ANKRD24: variants seen among roughly 807,000 people sequenced by gnomAD.
ANKRD24 encodes the protein ankyrin repeat domain-containing protein 24.
Under a neutral mutation model 127.8 loss-of-function variants are expected in ANKRD24, and 109 were observed. The ratio of observed to expected loss-of-function variants is 0.85; its 90% CI spans 0.73 to 1.00. The LOEUF (loss-of-function observed/expected upper bound fraction) is 1.00, where lower values mean the gene tolerates loss of function less well. ANKRD24 is among the 50% of genes least tolerant of loss of function. The pLI is 0.00. For missense variants in ANKRD24, 1,648 were observed against 1,570.2 expected (o/e 1.05, Z -0.84); for synonymous variants, 743 against 671.1 (o/e 1.11, Z -1.66).
chr19:4,191,588 T>C (rs1405983617), intron 2 of ANKRD24, among the ~76,000 whole-genome samples: 1 of 151,894 alleles, frequency 6.6e-6, no homozygotes, highest in Non-Finnish European at 1.5e-5. Flanking sequence ...TTCAAGAGAT[T>C]ATCCTCTCTC....
chr19:4,215,314 C>T (rs1440937884), intron 15 of ANKRD24, among the ~76,000 whole-genome samples: 5 of 152,118 alleles, frequency 3.3e-5, no homozygotes, highest in South Asian at 4.1e-4. Flanking sequence ...GGTGAAACCA[C>T]GTGTCACTAA....
In ANKRD24 at chr19:4,210,335, G is replaced by T; in HGVS notation, c.1022G>T (p.Arg341Leu). Residue 341 changes from arginine (R) to leucine (L), a missense_variant, in exon 13 of 22, where the codon CGG becomes CTG. Transcript: ENST00000318934. ...QERGRLLQKI[R>L]GLEQHKERRQ... ...AGGGGCCGCCTCCTGCAGAAGATCC[G>T]GGGCCTGGAACAGCACAAGGAACGG... 6.3e-7 allele frequency: 1 copy of T among 1,575,786 alleles called. No individual in the cohort carries two copies. Among genetic ancestry groups the T allele is most frequent in the East Asian group, 2.3e-5 (1 of 42,880 alleles).
chr19:4,216,420 G>C lies in ANKRD24; in HGVS notation c.1389+18G>C, dbSNP rs1173502898. ...AGGTCCAGGTAGGGAAAGTGAGGCT[G>C]GGGACAGATCTGAGGACCTAGGGCT... On this transcript the variant is annotated intron_variant, in intron 17 of 21. Transcript: ENST00000318934. 1 of 1,559,784 alleles carries C rather than the reference G, an allele frequency of 6.4e-7. No individual in the cohort carries two copies. The highest frequency in any genetic ancestry group is 8.7e-7 in the Non-Finnish European group (1 of 1,151,764).
chr19:4,223,525 A>C (rs147461781), intron 20 of ANKRD24, among the ~76,000 whole-genome samples: 2 of 148,930 alleles, frequency 1.3e-5, no homozygotes, highest in African/African-American at 2.5e-5. Context: ...CTCCTGCCTC[A>C]GCTTCCTGAC....
chr19:4,217,473 C>T lies in ANKRD24; in HGVS notation c.2313C>T (p.Ala771=), dbSNP rs888595442. ...AGRLRERVRE[A]EGSGASGGGG... The stretch of plus-strand genomic sequence containing the variant: ...GGCTGCGAGAGCGTGTCCGCGAGGC[C>T]GAGGGCAGCGGGGCCAGCGGGGGCG... The change falls in exon 18 of 22, where the codon GCC becomes GCT. Residue 771 remains alanine (A), a synonymous_variant. Coordinates refer to ENST00000318934, the MANE Select transcript of ANKRD24 (RefSeq NM_001393985.1). The T allele has an allele frequency of 4.8e-6, 7 of 1,457,888 alleles. No homozygotes were observed. The highest frequency in any genetic ancestry group is 6.3e-6 in the Non-Finnish European group (7 of 1,110,772). The allele number at this position is 1,457,888 out of a possible 1,614,324, so 90.3% of individuals were successfully genotyped here. A position where few individuals can be genotyped will look rare whatever the true frequency, so the allele number is the denominator to read the frequency against.
At chr19:4,215,939 G>C (rs1284008795) in intron 15 of ANKRD24, 39 bp from the exon 16 acceptor site, 1 of 1,531,292 alleles carries the variant, frequency 6.5e-7, no homozygotes, top group Non-Finnish European at 8.9e-7. Context: ...CGGGGGCTGA[G>C]AGCAGAACCC....
Position 4,224,532 on chromosome 19 carries a change from G to C in ANKRD24, c.*27G>C, listed in dbSNP as rs1970636229. On this transcript the variant is annotated 3_prime_UTR_variant, in exon 22 of 22. Coordinates refer to ENST00000318934, the MANE Select transcript of ANKRD24 (RefSeq NM_001393985.1). Reference sequence around the variant, plus strand: ...AAAGGCCAGGCCCAGTGGCTACACTGACCACACCCACGCAGGGACCTCACC... The same window carrying C: ...AAAGGCCAGGCCCAGTGGCTACACTCACCACACCCACGCAGGGACCTCACC... The C allele has an allele frequency of 1.3e-6, 2 of 1,593,236 alleles. No individual in the cohort carries two copies. The highest frequency in any genetic ancestry group is 8.5e-7 in the Non-Finnish European group (1 of 1,169,652).
At chr19:4,212,374 G>A in intron 13 of ANKRD24, 101 bp from the exon 14 acceptor site, 1 of 1,365,566 alleles carries the variant, frequency 7.3e-7, no homozygotes, top group Non-Finnish European at 1.0e-6. Context: ...AGTTGCACGT[G>A]GAATGCGTGA....
At chr19:4,192,420 A>G (rs996839346) in intron 2 of ANKRD24, among the ~76,000 whole-genome samples, 1 of 148,018 alleles carries the variant, frequency 6.8e-6, no homozygotes, top group Non-Finnish European at 1.5e-5. Context: ...CACGTTGCCC[A>G]GGCTGGTCTT....
intron 2 of ANKRD24, among the ~76,000 whole-genome samples, chr19:4,187,276 G>A (rs989491525): frequency 2.6e-5 from 4 of 152,160 alleles, no homozygotes; most frequent in East Asian, 1.9e-4. Flanking sequence ...AGCTGGGCAC[G>A]GTGGCGGGCA....
At chr19:4,208,485 G>T (rs914616786) in intron 10 of ANKRD24, among the ~76,000 whole-genome samples, 1 of 152,008 alleles carries the variant, frequency 6.6e-6, no homozygotes, top group Non-Finnish European at 1.5e-5. Flanking sequence ...GTTTCGCCAC[G>T]TTGGCCAGGC....
At position 4,199,536 on chromosome 19, in the gene ANKRD24, A is replaced by G; in HGVS notation, c.37-147A>G. 2.1e-6 allele frequency: 3 copies of G among 1,418,662 alleles called. No individual in the cohort carries two copies. Among genetic ancestry groups the G allele is most frequent in the Non-Finnish European group, 1.8e-6 (2 of 1,090,866 alleles). The allele number at this position is 1,418,662 out of a possible 1,614,324, so 87.9% of individuals were successfully genotyped here. Reference sequence around the variant, plus strand: ...CCAGGGGACAACGTTTTGGAAATAGATGCCAGGGGGCTGCTCAGGGGATGA... The same window carrying G: ...CCAGGGGACAACGTTTTGGAAATAGGTGCCAGGGGGCTGCTCAGGGGATGA... On this transcript the variant is annotated intron_variant, in intron 2 of 21. Transcript: ENST00000318934. This position sits in a 1 kb window ranked among gnomAD's most constrained non-coding sequence, Gnocchi z 5.2.
intron 20 of ANKRD24, among the ~76,000 whole-genome samples, chr19:4,223,402 T>TATATATATATATATATATATATA (rs1491398712): frequency 4.9e-5 from 2 of 40,462 alleles, no homozygotes; most frequent in African/African-American, 2.4e-4. Context: ...TATATATATA[T>TATATATATATATATATATATATA]TTTTTTTTTT....
At chr19:4,206,339 TAAAA>T (rs912673511) in intron 7 of ANKRD24, among the ~76,000 whole-genome samples, 1 of 148,392 alleles carries the variant, frequency 6.7e-6, no homozygotes, top group African/African-American at 2.5e-5. Context: ...CATAAAAAAT[TAAAA>T]AAAAGAATTA....
At chr19:4,224,276 T>G in intron 21 of ANKRD24, 84 bp downstream of exon 21, 1 of 1,431,860 alleles carries the variant, frequency 7.0e-7, no homozygotes. Flanking sequence ...TTCTGTACAG[T>G]GGGAGGCTGG....
chr19:4,199,888 G>A lies in ANKRD24; in HGVS notation c.137G>A (p.Gly46Asp), dbSNP rs773841075. 8 of 1,571,274 alleles carry A rather than the reference G, an allele frequency of 5.1e-6. No homozygotes were observed. In the South Asian group the frequency reaches 9.4e-5, roughly 18 times the overall value. ...CGTGCCCTGCAGAGTCAAGACTGGG[G>A]CAAGAGTGACGAGAGGCTGCTACAA... ...ARGRRQSQDW[G>D]KSDERLLQAV... is the part of the protein sequence containing the mutation. Residue 46 changes from glycine to aspartate, a missense_variant, in exon 4 of 22, where the codon GGC becomes GAC. By Grantham distance (94) the Gly-to-Asp change is moderately conservative (BLOSUM62 -1). Transcript: ENST00000318934. The surrounding 1 kb of genome is among the most constrained non-coding windows in gnomAD (Gnocchi z 5.2).
In ANKRD24 at chr19:4,218,109, G is replaced by A. The variant is rs768567469; in HGVS notation, c.2949G>A (p.Gly983=). Residue 983 remains glycine (G), a synonymous_variant, in exon 18 of 22, where the codon GGG becomes GGA. Coordinates refer to ENST00000318934, the MANE Select transcript of ANKRD24 (RefSeq NM_001393985.1). ...AGGCCAACGTGGCCCAGCTGGAGGG[G>A]CAGCTGGAGGAGCTGGGACGGCGGC... ...TLQANVAQLE[G]QLEELGRRHE... is the part of the protein sequence containing the mutation. 11 of 1,543,976 alleles carry A rather than the reference G, an allele frequency of 7.1e-6. No individual in the cohort carries two copies. The South Asian group carries it at 1.2e-4, about 17-fold the overall frequency.
rs557650594 is a variant in ANKRD24 at position 4,190,410 on chromosome 19, C to G, written c.36+3949C>G. Among the ~76,000 whole-genome samples the G allele has an allele frequency of 2.0e-5, 3 of 147,144 alleles. No homozygotes were observed. In the East Asian group the frequency reaches 6.0e-4, roughly 29 times the overall value. On this transcript the variant is annotated intron_variant, in intron 2 of 21. Coordinates refer to ENST00000318934, the MANE Select transcript of ANKRD24 (RefSeq NM_001393985.1). The stretch of plus-strand genomic sequence containing the variant: ...TTGCACTCCAGCCTGGGCAACAGAG[C>G]GAGACTCCGTCTCGAAAAAAAAAAA...
intron 13 of ANKRD24, among the ~76,000 whole-genome samples, chr19:4,211,084 C>G (rs987041644): frequency 6.6e-6 from 1 of 151,936 alleles, no homozygotes; most frequent in Non-Finnish European, 1.5e-5. Context: ...CCTCCCGCCG[C>G]GGCCTCCTAA....
Sources: gnomAD v4.1 joint callset for allele counts (sites outside exome capture counted in the v4.1 genomes callset) on GRCh38, gnomAD v4.1.1 for gene constraint, Gnocchi (gnomAD v3.1) non-coding constraint, MANE v1.5 for transcripts, NCBI Gene and HGNC (gene_info 2026-07-23, HGNC 2026-07-21) for gene names.